Variants in SHROOM2 observed in about 807,000 individuals in gnomAD.
SHROOM2 encodes shroom family member 2, also known as protein Shroom2.
SHROOM2 carries 33 observed loss-of-function variants against 75.9 expected under a neutral mutation model. The ratio of observed to expected loss-of-function variants is 0.43; its 90% confidence interval spans 0.33 to 0.58. The LOEUF (loss-of-function observed/expected upper bound fraction) is 0.58. Ranked by LOEUF, SHROOM2 falls within the 20% of genes least tolerant of loss-of-function variation. The probability of loss-of-function intolerance (pLI) is 0.04; values close to 1 mark genes in which losing one functional copy is unlikely to be tolerated. For synonymous variants in SHROOM2, 655 were observed against 663.6 expected, an observed-to-expected ratio of 0.99 and a Z score of 0.20; for missense variants, 1,434 against 1,461.2, an observed-to-expected ratio of 0.98 and a Z score of 0.30.
chrX:9,792,469 G>GTT (rs200607388), intron 1 of SHROOM2, among the ~76,000 whole-genome samples: 19 of 85,858 alleles, frequency 2.2e-4, no homozygotes, highest in African/African-American at 7.0e-4. Flanking sequence ...TTTTTTTTTT[G>GTT]TTGTTGTTGT....
chrX:9,805,338 G>C (rs189988463), intron 1 of SHROOM2, among the ~76,000 whole-genome samples: 1 of 113,207 alleles, frequency 8.8e-6, no homozygotes, highest in East Asian at 2.8e-4. Context: ...GAACTTCACA[G>C]TGGTTCTGTG....
At chrX:9,929,145 A>G (rs6530346) in intron 5 of SHROOM2, among the ~76,000 whole-genome samples, 15,813 of 112,106 alleles carry the variant, frequency 0.14, 2,456 homozygotes, top group African/African-American at 0.46. Context: ...AAGTTGGAAT[A>G]TGACCCCAGC....
At chrX:9,892,001 T>A (rs1282061665) in intron 3 of SHROOM2, among the ~76,000 whole-genome samples, 3 of 110,661 alleles carry the variant, frequency 2.7e-5, no homozygotes, top group African/African-American at 9.9e-5. Context: ...GGTTCATGTC[T>A]GTAATCCCAA....
intron 5 of SHROOM2, among the ~76,000 whole-genome samples, chrX:9,907,503 C>T (rs181729342): frequency 2.2e-4 from 25 of 111,230 alleles, no homozygotes; most frequent in Admixed American, 1.7e-3. Flanking sequence ...ATGGTTTGTG[C>T]GACACTCTCA....
intron 1 of SHROOM2, among the ~76,000 whole-genome samples, chrX:9,828,663 C>G (rs2083900602): frequency 9.1e-6 from 1 of 110,347 alleles, no homozygotes; most frequent in Non-Finnish European, 1.9e-5. Flanking sequence ...TGGGGTCTCA[C>G]TATGTTGCCC....
At chrX:9,914,402 T>G (rs1369298579) in intron 5 of SHROOM2, among the ~76,000 whole-genome samples, 1 of 109,929 alleles carries the variant, frequency 9.1e-6, no homozygotes. Flanking sequence ...ACATTTACTT[T>G]ACACTACCTT....
intron 6 of SHROOM2, among the ~76,000 whole-genome samples, chrX:9,934,721 A>G (rs192312684): frequency 3.6e-5 from 4 of 111,970 alleles, no homozygotes; most frequent in African/African-American, 1.3e-4. Context: ...AATGATCAGG[A>G]ATAGATGCTT....
chrX:9,826,867 A>G (rs946085959), intron 1 of SHROOM2, among the ~76,000 whole-genome samples: 2 of 112,990 alleles, frequency 1.8e-5, no homozygotes, highest in Admixed American at 9.4e-5. Flanking sequence ...GGGAAAATGC[A>G]CCAAGGCTCA....
At chrX:9,819,305 A>G in intron 1 of SHROOM2, 1 of 554,118 alleles carries the variant, frequency 1.8e-6, no homozygotes, top group Non-Finnish European at 3.0e-6. Flanking sequence ...TCCCACCAAA[A>G]TACTTGGTGG....
At chrX:9,848,978 C>T (rs946358276) in intron 1 of SHROOM2, among the ~76,000 whole-genome samples, 6 of 111,835 alleles carry the variant, frequency 5.4e-5, no homozygotes, top group African/African-American at 3.3e-5. Flanking sequence ...ATTCCCACCC[C>T]AGAGCGACCG....
intron 1 of SHROOM2, among the ~76,000 whole-genome samples, chrX:9,871,021 T>A (rs1195765534): frequency 9.9e-5 from 11 of 111,465 alleles, no homozygotes; most frequent in Non-Finnish European, 1.5e-4. Flanking sequence ...CAAGGTGGAA[T>A]TCCCGACAGG....
At chrX:9,904,025 C>T (rs940694889) in intron 5 of SHROOM2, among the ~76,000 whole-genome samples, 6 of 111,033 alleles carry the variant, frequency 5.4e-5, no homozygotes, top group African/African-American at 2.0e-4. Flanking sequence ...TACAGGATTT[C>T]GGCTAAGGAG....
chrX:9,894,166 CCA>C (rs1272188873), intron 3 of SHROOM2, among the ~76,000 whole-genome samples, 190 bp from the exon 4 acceptor site: 1 of 110,955 alleles, frequency 9.0e-6, no homozygotes, highest in African/African-American at 3.3e-5. Context: ...CAGCCTGTGC[CCA>C]GTTTCTCCGT....
chrX:9,856,444 T>A lies in SHROOM2; in HGVS notation c.166-17208T>A, dbSNP rs911826932. Among the ~76,000 whole-genome samples the A allele has an allele frequency of 8.9e-5, 10 of 112,113 alleles. 1 individual carries two copies. The highest frequency in any genetic ancestry group is 2.9e-4 in the Admixed American group (3 of 10,523). ...ACCCCTCAATCTATTGGGATTGAGATGTTTTATATTTTAATTACACAAGTG... is the reference window on the plus strand; with the variant it reads ...ACCCCTCAATCTATTGGGATTGAGAAGTTTTATATTTTAATTACACAAGTG... On this transcript the variant is annotated intron_variant, in intron 1 of 9. Transcript: ENST00000380913.
intron 1 of SHROOM2, among the ~76,000 whole-genome samples, chrX:9,818,053 T>G (rs913445541): frequency 2.7e-5 from 3 of 112,370 alleles, no homozygotes; most frequent in Non-Finnish European, 5.6e-5. Flanking sequence ...CTCACTGATG[T>G]GTGTATGGAC....
Position 9,879,082 on chromosome X carries a change from G to A in SHROOM2, c.317+5279G>A, listed in dbSNP as rs977253241. 1.5e-4 allele frequency among the ~76,000 whole-genome samples: 16 copies of A among 110,035 alleles called. No individual in the cohort carries two copies. In the Admixed American group the frequency reaches 1.6e-3, roughly 11 times the overall value. On this transcript the variant is annotated intron_variant, in intron 2 of 9. Coordinates refer to ENST00000380913, the MANE Select transcript of SHROOM2 (RefSeq NM_001649.4). Reference sequence around the variant, plus strand: ...GGAGGGAGGATGGGAAGGAAGGAAGGATGAAATCTTGCTCTGTTGCCCAGG... The same window carrying A: ...GGAGGGAGGATGGGAAGGAAGGAAGAATGAAATCTTGCTCTGTTGCCCAGG...
intron 5 of SHROOM2, among the ~76,000 whole-genome samples, chrX:9,929,059 A>G (rs1256254997): frequency 3.5e-5 from 4 of 112,775 alleles, no homozygotes; most frequent in African/African-American, 1.3e-4. Flanking sequence ...ATAGACATGC[A>G]TCTGTGCGCA....
intron 1 of SHROOM2, among the ~76,000 whole-genome samples, chrX:9,866,868 A>G (rs2084141973): frequency 9.0e-6 from 1 of 110,555 alleles, no homozygotes; most frequent in African/African-American, 3.3e-5. Flanking sequence ...CTCATGCCTC[A>G]GGCCTCCTGC....
chrX:9,836,084 G>A (rs143823852), intron 1 of SHROOM2, among the ~76,000 whole-genome samples: 6 of 112,096 alleles, frequency 5.4e-5, no homozygotes, highest in African/African-American at 1.6e-4. Flanking sequence ...CCTGGAGAGC[G>A]GGGAGGGGAG....
Sources: allele counts gnomAD v4.1 joint callset (sites outside exome capture counted in the v4.1 genomes callset), GRCh38; gene constraint gnomAD v4.1.1; transcripts MANE v1.5; gene names NCBI Gene and HGNC (gene_info 2026-07-23, HGNC 2026-07-21).